Variants in PTPRK observed in about 807,000 individuals in gnomAD.
PTPRK encodes receptor-type tyrosine-protein phosphatase kappa.
Under a neutral mutation model 178.0 loss-of-function variants are expected in PTPRK, and 75 were observed. The observed-to-expected ratio is 0.42, with a 90% CI of 0.35 to 0.51. The LOEUF is 0.51. Among genes scored for constraint, PTPRK ranks in the 20% least tolerant of loss-of-function variants. The pLI is 0.02. For missense variants in PTPRK, 1,441 were observed against 1,797.8 expected, an observed-to-expected ratio of 0.80 and a Z score of 3.59; for synonymous variants, 637 against 620.6, an observed-to-expected ratio of 1.03 and a Z score of -0.39.
chr6:128,087,641 T>G (rs1402145282), intron 8 of PTPRK, among the ~76,000 whole-genome samples: 2 of 152,114 alleles, frequency 1.3e-5, no homozygotes, highest in African/African-American at 4.8e-5. Context: ...TTGTTGCTAC[T>G]TCAATTAGGT....
intron 11 of PTPRK, among the ~76,000 whole-genome samples, chr6:128,070,050 G>A (rs1163341487): frequency 6.6e-6 from 1 of 151,958 alleles, no homozygotes; most frequent in Non-Finnish European, 1.5e-5. Flanking sequence ...TAACATGCTT[G>A]TTTCATAAAG....
intron 7 of PTPRK, among the ~76,000 whole-genome samples, chr6:128,152,418 G>A (rs1468253835): frequency 4.6e-5 from 7 of 151,920 alleles, no homozygotes; most frequent in African/African-American, 1.5e-4. Context: ...CTGACAAAAC[G>A]AGGGATATCA....
chr6:128,505,107 G>GT (rs34899985), intron 1 of PTPRK, among the ~76,000 whole-genome samples: 16,291 of 135,262 alleles, frequency 0.12, 1,535 homozygotes, highest in East Asian at 0.57. Context: ...AAATTTACTT[G>GT]TTTTTTTTTT....
chr6:128,461,799 T>G (rs1193615026), intron 1 of PTPRK, among the ~76,000 whole-genome samples: 1 of 152,140 alleles, frequency 6.6e-6, no homozygotes, highest in African/African-American at 2.4e-5. Context: ...TTCCCATCTC[T>G]GCAGATTTAC....
At chr6:128,315,389 A>AT (rs995617088) in intron 3 of PTPRK, among the ~76,000 whole-genome samples, 50 of 152,120 alleles carry the variant, frequency 3.3e-4, no homozygotes, top group Non-Finnish European at 5.1e-4. Flanking sequence ...GAGAAGAATG[A>AT]TTTTTTAACA....
At chr6:128,045,947 G>A (rs1777967368) in intron 13 of PTPRK, among the ~76,000 whole-genome samples, 1 of 152,092 alleles carries the variant, frequency 6.6e-6, no homozygotes, top group Non-Finnish European at 1.5e-5. Flanking sequence ...GGCAAAGAGA[G>A]ACTTTAGCCT....
chr6:128,087,969 T>C (rs1457914957), intron 8 of PTPRK, among the ~76,000 whole-genome samples: 2 of 152,210 alleles, frequency 1.3e-5, no homozygotes, highest in East Asian at 3.9e-4. Flanking sequence ...ACCTCTTTTA[T>C]GGCAAGCTAA....
At chr6:128,060,508 T>C (rs990041718) in intron 13 of PTPRK, among the ~76,000 whole-genome samples, 3 of 152,100 alleles carry the variant, frequency 2.0e-5, no homozygotes, top group Admixed American at 2.0e-4. Context: ...ATATATCAAC[T>C]CATTCATTCT....
At chr6:128,375,311 G>A (rs1048271392) in intron 2 of PTPRK, among the ~76,000 whole-genome samples, 1 of 151,702 alleles carries the variant, frequency 6.6e-6, no homozygotes, top group Non-Finnish European at 1.5e-5. Flanking sequence ...TGGCTAGGGA[G>A]GCCTCATAAT....
At chr6:128,058,523 T>G (rs1780281508) in intron 13 of PTPRK, among the ~76,000 whole-genome samples, 1 of 152,148 alleles carries the variant, frequency 6.6e-6, no homozygotes, top group Non-Finnish European at 1.5e-5. Flanking sequence ...TTTAATAGTT[T>G]TTAAATATGT....
At chr6:128,157,674 A>T (rs1345716325) in intron 7 of PTPRK, among the ~76,000 whole-genome samples, 2 of 151,956 alleles carry the variant, frequency 1.3e-5, no homozygotes, top group Non-Finnish European at 2.9e-5. Context: ...TTTGATTTGC[A>T]TTTCTCTGAT....
intron 18 of PTPRK, chr6:127,995,223 T>G (rs765335872): frequency 5.7e-6 from 9 of 1,579,060 alleles, no homozygotes; most frequent in Non-Finnish European, 7.8e-6. Flanking sequence ...AATAGGGTGC[T>G]GTTATTTACA....
chr6:127,983,224 A>G lies in PTPRK; in HGVS notation c.3387+18T>C. 1 of 1,572,132 alleles carries G rather than the reference A, an allele frequency of 6.4e-7. No individual in the cohort carries two copies. Among genetic ancestry groups the G allele is most frequent in the African/African-American group, 1.4e-5 (1 of 72,180 alleles). On this transcript the variant is annotated intron_variant, in intron 23 of 29. Transcript: ENST00000368226. The stretch of plus-strand genomic sequence containing the variant: ...AATAAAAAATAAAAAAAAGTCCACT[A>G]CAGGTAAATCTACATACCTCTGTCT...
chr6:128,297,610 T>A (rs1466177176), intron 3 of PTPRK, among the ~76,000 whole-genome samples: 2 of 152,196 alleles, frequency 1.3e-5, no homozygotes, highest in East Asian at 3.8e-4. Flanking sequence ...CTGAACAACC[T>A]GCTCCTGAAT....
intron 1 of PTPRK, among the ~76,000 whole-genome samples, chr6:128,406,700 G>A (rs1179642412): frequency 6.6e-6 from 1 of 152,144 alleles, no homozygotes; most frequent in Non-Finnish European, 1.5e-5. Context: ...TGGGTTTTAA[G>A]GGAAGTTTTA....
chr6:128,312,631 G>A (rs1224329791), intron 3 of PTPRK, among the ~76,000 whole-genome samples: 2 of 152,070 alleles, frequency 1.3e-5, no homozygotes, highest in Non-Finnish European at 2.9e-5. Context: ...AACATATATA[G>A]AGTTAACGAT....
At chr6:128,049,016 T>C (rs1778555000) in intron 13 of PTPRK, among the ~76,000 whole-genome samples, 1 of 152,062 alleles carries the variant, frequency 6.6e-6, no homozygotes, top group Non-Finnish European at 1.5e-5. Context: ...AATATTGATA[T>C]CCAAATGAAA....
intron 11 of PTPRK, among the ~76,000 whole-genome samples, chr6:128,068,315 T>C (rs1782188460): frequency 6.6e-6 from 1 of 152,240 alleles, no homozygotes; most frequent in Admixed American, 6.5e-5. Flanking sequence ...CCATGGCATC[T>C]ACACTGGCTC....
chr6:128,022,075 T>A (rs1773597127), intron 13 of PTPRK, among the ~76,000 whole-genome samples: 1 of 152,152 alleles, frequency 6.6e-6, no homozygotes, highest in Non-Finnish European at 1.5e-5. Flanking sequence ...TCGCTTACAT[T>A]AGAGATTTGA....
Sources: allele counts gnomAD v4.1 joint callset (sites outside exome capture counted in the v4.1 genomes callset), GRCh38; gene constraint gnomAD v4.1.1; transcripts MANE v1.5; gene names NCBI Gene and HGNC (gene_info 2026-07-23, HGNC 2026-07-21).